Variants in IQGAP1 observed in about 807,000 individuals in gnomAD.
The protein encoded by IQGAP1 is IQ motif containing GTPase activating protein 1.
A neutral mutation model predicts 215.6 loss-of-function variants in IQGAP1; 66 were observed. The ratio of observed to expected loss-of-function variants is 0.31; its 90% CI spans 0.25 to 0.38. The LOEUF (loss-of-function observed/expected upper bound fraction) is 0.38, where lower values mean the gene tolerates loss of function less well. Among genes scored for constraint, IQGAP1 ranks in the 10% least tolerant of loss-of-function variants. The probability of loss-of-function intolerance (pLI) is 1.00; values close to 1 mark genes in which losing one functional copy is unlikely to be tolerated. For missense variants in IQGAP1, 1,712 were observed against 1,997.1 expected, an observed-to-expected ratio of 0.86 and a Z score of 2.72; for synonymous variants, 772 against 728.7, an observed-to-expected ratio of 1.06 and a Z score of -0.96.
intron 33 of IQGAP1, 144 bp downstream of exon 33, chr15:90,487,726 T>C (rs1966146777): frequency 1.6e-6 from 1 of 630,396 alleles, no homozygotes; most frequent in South Asian, 2.0e-5. Context: ...GTGGTAGTTA[T>C]GGCTCGTCTG....
intron 36 of IQGAP1, among the ~76,000 whole-genome samples, chr15:90,496,306 C>CTTTTTTTTTT (rs552222380): frequency 2.3e-4 from 24 of 106,114 alleles, no homozygotes; most frequent in African/African-American, 9.7e-4. Context: ...AGCATAATCC[C>CTTTTTTTTTT]TTTTTTTTTT....
chr15:90,455,751 A>G (rs769284136), intron 14 of IQGAP1, among the ~76,000 whole-genome samples: 1 of 152,174 alleles, frequency 6.6e-6, no homozygotes, highest in Non-Finnish European at 1.5e-5. Context: ...TTCTTCTATA[A>G]AAGTGTTGAA....
At chr15:90,452,518 G>A (rs367956992) in intron 11 of IQGAP1, among the ~76,000 whole-genome samples, 22 of 152,258 alleles carry the variant, frequency 1.4e-4, no homozygotes, top group East Asian at 7.7e-4. Flanking sequence ...TGAATTGAAC[G>A]GGAAGAAAAT....
chr15:90,441,814 C>T, intron 8 of IQGAP1, 130 bp downstream of exon 8: 1 of 709,456 alleles, frequency 1.4e-6, no homozygotes, highest in South Asian at 2.1e-5. Flanking sequence ...TTTAAATGTA[C>T]AGTTTGAGTT....
intron 35 of IQGAP1, among the ~76,000 whole-genome samples, chr15:90,493,066 T>TA (rs1242810986): frequency 9.9e-5 from 15 of 152,134 alleles, no homozygotes; most frequent in African/African-American, 3.6e-4. Flanking sequence ...AACATGGTGA[T>TA]ACCCCATCTC....
At chr15:90,396,584 G>C (rs935158538) in intron 2 of IQGAP1, among the ~76,000 whole-genome samples, 7 of 152,040 alleles carry the variant, frequency 4.6e-5, no homozygotes, top group Admixed American at 1.3e-4. Context: ...GGGAAGTATG[G>C]GGTGAGATTT....
intron 26 of IQGAP1, 101 bp downstream of exon 26, chr15:90,477,990 T>A (rs1966004244): frequency 7.9e-6 from 6 of 758,698 alleles, no homozygotes; most frequent in Non-Finnish European, 1.3e-5. Flanking sequence ...CAAATAGTTT[T>A]TCTTTTCTTT....
In IQGAP1 at chr15:90,474,544, A is replaced by G; in HGVS notation, c.2635A>G (p.Ser879Gly). ...AAAATTTGTCCACCTGCTGGACCAA[A>G]GTGACCAGGATTTTCAGGAGGAGCT... is the stretch of plus-strand genomic sequence containing the variant. ...VRKFVHLLDQ[S>G]DQDFQEELDL... is the part of the protein sequence containing the mutation. Residue 879 changes from serine to glycine, a missense_variant, in exon 23 of 38, where the codon AGT (serine) becomes GGT (glycine). Physicochemically the swap from Ser to Gly is moderately conservative, Grantham distance 56 (BLOSUM62 0). Around this residue, in one of 2 missense-constraint regions of IQGAP1, gnomAD observed 1,021 missense variants for 1,074.2 expected, o/e 0.95. Transcript: ENST00000268182. 1.2e-6 allele frequency: 2 copies of G among 1,614,200 alleles called. No individual in the cohort carries two copies. Among genetic ancestry groups the G allele is most frequent in the Non-Finnish European group, 1.7e-6 (2 of 1,180,030 alleles).
rs117189704 is a variant in IQGAP1 at position 90,474,957 on chromosome 15, G to T, written c.2784+264G>T. 7.3e-5 allele frequency: 30 copies of T among 409,320 alleles called. No individual in the cohort carries two copies. The East Asian group carries it at 1.1e-3, about 16-fold the overall frequency. The allele number at this position is 409,320 out of a possible 1,614,324, so 25.4% of individuals were successfully genotyped here. On this transcript the variant is annotated intron_variant, in intron 23 of 37. Transcript: ENST00000268182. Reference sequence around the variant, plus strand: ...CCTAAGTATCTGGGATTACAGGCACGTGACACTATACCTGGCTAATGTTTT... The same window carrying T: ...CCTAAGTATCTGGGATTACAGGCACTTGACACTATACCTGGCTAATGTTTT...
chr15:90,389,948 C>A (rs1964611422), intron 1 of IQGAP1, among the ~76,000 whole-genome samples: 1 of 114,164 alleles, frequency 8.8e-6, no homozygotes, highest in Non-Finnish European at 1.7e-5. Flanking sequence ...GAACAAGACC[C>A]TGTCTCAAAA....
At chr15:90,454,663 A>G in intron 14 of IQGAP1, 111 bp downstream of exon 14, 1 of 1,199,522 alleles carries the variant, frequency 8.3e-7, no homozygotes, top group Non-Finnish European at 1.1e-6. Flanking sequence ...AGAGATTGAA[A>G]ATATCTATAT....
At chr15:90,403,756 C>T (rs138521931) in intron 2 of IQGAP1, among the ~76,000 whole-genome samples, 1 of 151,408 alleles carries the variant, frequency 6.6e-6, no homozygotes, top group Non-Finnish European at 1.5e-5. Flanking sequence ...TCATTACAAC[C>T]TCCACCTCCA....
At chr15:90,462,498 G>A (rs1174224563) in intron 15 of IQGAP1, among the ~76,000 whole-genome samples, 12 of 152,094 alleles carry the variant, frequency 7.9e-5, no homozygotes, top group Admixed American at 7.9e-4. Flanking sequence ...GTGTATGTGT[G>A]TTTATGTGTG....
intron 11 of IQGAP1, among the ~76,000 whole-genome samples, chr15:90,451,033 C>G (rs531548604): frequency 2.6e-5 from 4 of 152,210 alleles, no homozygotes; most frequent in South Asian, 4.2e-4. Flanking sequence ...AGCTAAATGG[C>G]TTTGCTTAGA....
chr15:90,483,240 T>A, intron 28 of IQGAP1, 121 bp from the exon 29 acceptor site: 1 of 673,982 alleles, frequency 1.5e-6, no homozygotes, highest in Admixed American at 2.5e-5. Flanking sequence ...TGTATATGTA[T>A]TTTTTATTTA....
At chr15:90,466,830 G>A (rs1412296982) in intron 17 of IQGAP1, among the ~76,000 whole-genome samples, 1 of 152,208 alleles carries the variant, frequency 6.6e-6, no homozygotes, top group South Asian at 2.1e-4. Flanking sequence ...GGTGGCACAC[G>A]CCTGTAATCC....
intron 23 of IQGAP1, chr15:90,474,946 A>T: frequency 5.5e-6 from 2 of 363,744 alleles, no homozygotes; most frequent in African/African-American, 2.2e-5. Context: ...AGTATCTGGG[A>T]TTACAGGCAC....
At chr15:90,458,671 A>G (rs1965720529) in intron 15 of IQGAP1, among the ~76,000 whole-genome samples, 1 of 152,196 alleles carries the variant, frequency 6.6e-6, no homozygotes, top group South Asian at 2.1e-4. Flanking sequence ...ACACTAATCT[A>G]ATAAAATGAA....
At chr15:90,456,897 T>TAG (rs1965689578) in intron 15 of IQGAP1, among the ~76,000 whole-genome samples, 1 of 134,274 alleles carries the variant, frequency 7.4e-6, no homozygotes, top group South Asian at 2.5e-4. Context: ...CAAAAAAATA[T>TAG]ATATATATAT....
Sources: gnomAD v4.1 joint callset for allele counts (sites outside exome capture counted in the v4.1 genomes callset) on GRCh38, gnomAD v4.1.1 for gene constraint, gnomAD v4.1.1 regional missense constraint, MANE v1.5 for transcripts, NCBI Gene and HGNC (gene_info 2026-07-23, HGNC 2026-07-21) for gene names.